The following CSMD1 variants were observed in gnomAD, a reference collection of about 807,000 sequenced individuals.
The protein encoded by CSMD1 is CUB and sushi domain-containing protein 1.
Under a neutral mutation model 417.5 loss-of-function variants are expected in CSMD1, and 213 were observed. That is an observed-to-expected ratio of 0.51 (90% CI 0.46 to 0.57). The LOEUF is 0.57. Ranked by LOEUF, CSMD1 falls within the 20% of genes least tolerant of loss-of-function variation. The pLI is 0.00. For missense variants in CSMD1, 6,923 were observed against 4,529.7 expected, an observed-to-expected ratio of 1.53 and a Z score of -15.17; for synonymous variants, 2,862 against 1,736.8, an observed-to-expected ratio of 1.65 and a Z score of -16.11.
intron 1 of CSMD1, among the ~76,000 whole-genome samples, chr8:4,818,858 TAAGAA>T (rs778095098): frequency 5.3e-5 from 8 of 152,154 alleles, no homozygotes; most frequent in East Asian, 1.9e-4. Flanking sequence ...ACTTCACAGA[TAAGAA>T]AAGTTAAACT....
intron 2 of CSMD1, among the ~76,000 whole-genome samples, chr8:4,440,265 A>G (rs1798390471): frequency 6.6e-6 from 1 of 152,216 alleles, no homozygotes; most frequent in South Asian, 2.1e-4. Context: ...ATATATTTAT[A>G]AGATGCTCAC....
chr8:4,971,599 G>C (rs74818735), intron 1 of CSMD1, among the ~76,000 whole-genome samples: 2 of 151,770 alleles, frequency 1.3e-5, no homozygotes, highest in Admixed American at 1.3e-4. Flanking sequence ...CACATTCAAA[G>C]ACTATGATTT....
chr8:4,011,729 G>A (rs1473076791), intron 4 of CSMD1, among the ~76,000 whole-genome samples: 1 of 152,130 alleles, frequency 6.6e-6, no homozygotes, highest in Non-Finnish European at 1.5e-5. Context: ...GGAGTTATCA[G>A]CATACTTTTT....
intron 5 of CSMD1, among the ~76,000 whole-genome samples, chr8:3,964,437 C>T (rs529470526): frequency 9.2e-5 from 14 of 152,212 alleles, no homozygotes; most frequent in African/African-American, 3.1e-4. Context: ...CCTTAATCAG[C>T]CAGTGGAAGG....
At chr8:4,368,581 G>A (rs896791686) in intron 3 of CSMD1, among the ~76,000 whole-genome samples, 1 of 152,028 alleles carries the variant, frequency 6.6e-6, no homozygotes, top group Non-Finnish European at 1.5e-5. Context: ...GGTAAAATTC[G>A]GCTTTGAATA....
chr8:3,374,394 A>G (rs142798472), intron 18 of CSMD1, among the ~76,000 whole-genome samples: 23 of 152,350 alleles, frequency 1.5e-4, no homozygotes, highest in Middle Eastern at 6.8e-3. Flanking sequence ...TGGGCATAGA[A>G]CAATGAATAA....
At position 3,409,574 on chromosome 8, in the gene CSMD1, T is replaced by G; in HGVS notation, c.1593A>C (p.Gly531=). The part of the protein sequence containing the change: ...EIEKGGCGDP[G]IPAYGKRTGS... ...CCGTCCGCTTCCCATAGGCGGGGAT[T>G]CCAGGATCCCCACACCCTCCCTTTT... The change falls in exon 13 of 70, where the codon GGA becomes GGC. Residue 531 remains glycine, a synonymous_variant. Transcript: ENST00000635120. The G allele has an allele frequency of 6.2e-7, 1 of 1,607,660 alleles. No individual in the cohort carries two copies. The highest frequency in any genetic ancestry group is 8.5e-7 in the Non-Finnish European group (1 of 1,176,662).
At chr8:3,084,539 A>AAAAG (rs1814380095) in intron 49 of CSMD1, among the ~76,000 whole-genome samples, 1 of 151,928 alleles carries the variant, frequency 6.6e-6, no homozygotes, top group African/African-American at 2.4e-5. Context: ...AAAAAAAAAA[A>AAAAG]AAAATCTACA....
intron 1 of CSMD1, among the ~76,000 whole-genome samples, chr8:4,877,090 T>C (rs954344570): frequency 6.6e-6 from 1 of 152,138 alleles, no homozygotes; most frequent in Non-Finnish European, 1.5e-5. Flanking sequence ...ATACACTACT[T>C]ATTGAATTCC....
chr8:3,439,309 A>ATATTTTTT, intron 12 of CSMD1, among the ~76,000 whole-genome samples: 86 of 62,426 alleles, frequency 1.4e-3, no homozygotes, highest in East Asian at 0.013. Context: ...ATATATATAT[A>ATATTTTTT]TTTTTTTTTT....
chr8:4,818,682 A>G (rs530471425), intron 1 of CSMD1, among the ~76,000 whole-genome samples: 4 of 152,212 alleles, frequency 2.6e-5, no homozygotes, highest in Non-Finnish European at 5.9e-5. Context: ...ATAAATTAAT[A>G]AACATTTAGA....
chr8:3,579,169 T>C (rs1318756714), intron 9 of CSMD1, among the ~76,000 whole-genome samples: 1 of 152,118 alleles, frequency 6.6e-6, no homozygotes, highest in Non-Finnish European at 1.5e-5. Context: ...AAACTAGAAT[T>C]CACAGAATGA....
At chr8:4,288,632 G>C (rs1049847750) in intron 3 of CSMD1, among the ~76,000 whole-genome samples, 8 of 152,162 alleles carry the variant, frequency 5.3e-5, no homozygotes, top group African/African-American at 1.9e-4. Context: ...GAAGGATGTT[G>C]CCACCAACTC....
intron 1 of CSMD1, among the ~76,000 whole-genome samples, chr8:4,707,246 C>T (rs967579865): frequency 2.0e-5 from 3 of 152,130 alleles, no homozygotes; most frequent in African/African-American, 7.2e-5. Context: ...TTCATTCTTA[C>T]AACGGTCCTA....
At chr8:3,095,890 A>G (rs7813351) in intron 47 of CSMD1, among the ~76,000 whole-genome samples, 66,458 of 152,114 alleles carry the variant, frequency 0.44, 14,683 homozygotes, top group East Asian at 0.65. Context: ...CAAAAAAATC[A>G]TAAGACTATT....
intron 1 of CSMD1, among the ~76,000 whole-genome samples, chr8:4,724,979 A>T (rs1809328717): frequency 6.6e-6 from 1 of 152,154 alleles, no homozygotes; most frequent in Non-Finnish European, 1.5e-5. Flanking sequence ...ATAAGCCCAT[A>T]ACATTTTGGT....
intron 2 of CSMD1, among the ~76,000 whole-genome samples, chr8:4,457,586 T>A (rs1286223327): frequency 6.6e-6 from 1 of 152,138 alleles, no homozygotes; most frequent in Non-Finnish European, 1.5e-5. Context: ...GAGCTTCAAA[T>A]GCACCCTACA....
chr8:4,927,538 G>A (rs1178490399), intron 1 of CSMD1, among the ~76,000 whole-genome samples: 1 of 152,122 alleles, frequency 6.6e-6, no homozygotes, highest in Admixed American at 6.6e-5. Context: ...AAGTGAGTTG[G>A]AAAGGGGCAA....
At chr8:2,979,990 T>G (rs1423222943) in intron 54 of CSMD1, among the ~76,000 whole-genome samples, 1 of 152,226 alleles carries the variant, frequency 6.6e-6, no homozygotes, top group African/African-American at 2.4e-5. Flanking sequence ...AAAATGTGAT[T>G]ATTTGTATAA....
Sources: gnomAD v4.1 joint callset for allele counts (sites outside exome capture counted in the v4.1 genomes callset) on GRCh38, gnomAD v4.1.1 for gene constraint, MANE v1.5 for transcripts, NCBI Gene and HGNC (gene_info 2026-07-23, HGNC 2026-07-21) for gene names.